The following ADAMTSL3 variants were observed in gnomAD, a reference collection of about 807,000 sequenced individuals.
The protein encoded by ADAMTSL3 is ADAMTS like 3.
In ADAMTSL3, 128 loss-of-function variants were observed where a neutral mutation model predicts 201.7. That is an observed-to-expected ratio of 0.63 (90% CI 0.55 to 0.73). The LOEUF (loss-of-function observed/expected upper bound fraction) is 0.73, where lower values mean the gene tolerates loss of function less well. Among genes scored for constraint, ADAMTSL3 ranks in the 30% least tolerant of loss-of-function variants. The pLI, the probability that ADAMTSL3 is intolerant of heterozygous loss-of-function variation, is 0.00. For synonymous variants in ADAMTSL3, 738 were observed against 748.4 expected (o/e 0.99, Z 0.23); for missense variants, 1,990 against 2,119.6 (o/e 0.94, Z 1.20).
At chr15:84,012,225 C>T (rs925451641) in intron 23 of ADAMTSL3, among the ~76,000 whole-genome samples, 27 of 152,154 alleles carry the variant, frequency 1.8e-4, no homozygotes, top group Non-Finnish European at 2.9e-5. Flanking sequence ...AATTGCTGAA[C>T]TGACTGTTAC....
At position 83,810,120 on chromosome 15, in the gene ADAMTSL3, T is replaced by C. The variant is rs558188869; in HGVS notation, c.363+5425T>C. Among the ~76,000 whole-genome samples, 8 of 152,288 alleles carry C rather than the reference T, an allele frequency of 5.3e-5. No individual in the cohort carries two copies. In the South Asian group the frequency reaches 1.7e-3, roughly 32 times the overall value. On this transcript the variant is annotated intron_variant, in intron 5 of 29. Transcript: ENST00000286744. ...TGAATGGGAAAAAATGGGTGCCTAT[T>C]TACTGGGGCACTCAAACTCAAATAT...
chr15:83,901,557 A>G (rs369140328), intron 15 of ADAMTSL3, among the ~76,000 whole-genome samples: 2 of 152,230 alleles, frequency 1.3e-5, no homozygotes, highest in African/African-American at 4.8e-5. Flanking sequence ...AAAAGAAGAA[A>G]ACGGAGCAAT....
At chr15:83,855,130 C>T (rs1263486199) in intron 7 of ADAMTSL3, among the ~76,000 whole-genome samples, 1 of 152,140 alleles carries the variant, frequency 6.6e-6, no homozygotes, top group East Asian at 1.9e-4. Context: ...CCTTTACTTC[C>T]TGCTTCCTTA....
At chr15:83,686,212 C>T (rs890323496) in intron 2 of ADAMTSL3, among the ~76,000 whole-genome samples, 3 of 152,232 alleles carry the variant, frequency 2.0e-5, no homozygotes, top group Admixed American at 2.0e-4. Context: ...CCGGTTTTCT[C>T]ACAAGCAACT....
chr15:83,829,363 G>A (rs987439276), intron 6 of ADAMTSL3, among the ~76,000 whole-genome samples: 3 of 152,006 alleles, frequency 2.0e-5, no homozygotes, highest in Admixed American at 6.6e-5. Flanking sequence ...CTGTGGGATC[G>A]GTGGTGATAT....
At chr15:83,802,444 T>G (rs1454520154) in intron 4 of ADAMTSL3, among the ~76,000 whole-genome samples, 1 of 152,094 alleles carries the variant, frequency 6.6e-6, no homozygotes, top group Non-Finnish European at 1.5e-5. Context: ...TACCCAAAAC[T>G]AAAAACAAAT....
rs759938937 is a variant in ADAMTSL3, at chr15:83,773,606, T to TG, written c.278dup (p.Gly94ArgfsTer16). The TG allele has an allele frequency of 3.1e-6, 5 of 1,612,618 alleles. No individual in the cohort carries two copies. Among genetic ancestry groups the TG allele is most frequent in the Non-Finnish European group, 3.4e-6 (4 of 1,179,628 alleles). On this transcript the variant is annotated frameshift_variant, in exon 4 of 30. Transcript: ENST00000286744. LOFTEE classifies it high-confidence loss of function. ...ACTGGAGTGACTGCTCCCGGACCTGTGGGGGAGGAGCATCATATTCTCTGC... is the reference window on the plus strand; with the variant it reads ...ACTGGAGTGACTGCTCCCGGACCTGTGGGGGGAGGAGCATCATATTCTCTGC...
chr15:83,680,458 A>G (rs1373659610), intron 2 of ADAMTSL3, among the ~76,000 whole-genome samples: 2 of 149,312 alleles, frequency 1.3e-5, no homozygotes, highest in Admixed American at 1.3e-4. Flanking sequence ...TAATTTCGAT[A>G]CTTTTACTAA....
intron 5 of ADAMTSL3, among the ~76,000 whole-genome samples, chr15:83,806,980 G>T (rs2063611809): frequency 6.6e-6 from 1 of 152,112 alleles, no homozygotes; most frequent in South Asian, 2.1e-4. Flanking sequence ...CTTACAAAAT[G>T]CCAGAAAAAG....
intron 2 of ADAMTSL3, among the ~76,000 whole-genome samples, chr15:83,661,018 G>A (rs1455804061): frequency 6.9e-6 from 1 of 145,848 alleles, no homozygotes; most frequent in Non-Finnish European, 1.5e-5. Flanking sequence ...AGTTTTCCCA[G>A]CACCATTTAT....
At chr15:83,830,057 T>C (rs2141954855) in intron 6 of ADAMTSL3, among the ~76,000 whole-genome samples, 1 of 152,160 alleles carries the variant, frequency 6.6e-6, no homozygotes, top group Non-Finnish European at 1.5e-5. Context: ...TTTGGTTGGA[T>C]GTGGGGAGTG....
chr15:83,882,781 T>A (rs566076847), intron 9 of ADAMTSL3, among the ~76,000 whole-genome samples: 1 of 152,322 alleles, frequency 6.6e-6, no homozygotes, highest in South Asian at 2.1e-4. Flanking sequence ...GTGAGAAATG[T>A]GATGTTAATC....
rs760735777 is a variant in ADAMTSL3, at chr15:83,704,414, C to A, written c.95C>A (p.Ala32Asp). 1.2e-6 allele frequency: 2 copies of A among 1,614,144 alleles called. No individual in the cohort carries two copies. Among genetic ancestry groups the A allele is most frequent in the Non-Finnish European group, 1.7e-6 (2 of 1,180,032 alleles). Residue 32 changes from alanine (A) to aspartate (D), a missense_variant, in exon 3 of 30, where the codon GCC becomes GAC. By Grantham distance (126) the Ala-to-Asp change is moderately radical. Coordinates refer to ENST00000286744, the MANE Select transcript of ADAMTSL3 (RefSeq NM_207517.3). ...PQTTAEKSPG[A>D]YFLPEFALSP... is the part of the protein sequence containing the mutation. ...ACCACAGCTGAGAAATCTCCTGGAG[C>A]CTATTTCCTTCCCGAGTTTGCACTT... is the stretch of plus-strand genomic sequence containing the variant.
At chr15:83,954,591 A>C (rs1428005590) in intron 19 of ADAMTSL3, among the ~76,000 whole-genome samples, 1 of 152,108 alleles carries the variant, frequency 6.6e-6, no homozygotes, top group Non-Finnish European at 1.5e-5. Flanking sequence ...CTGGGCATTG[A>C]ATAATTATGT....
chr15:83,713,007 A>C lies in ADAMTSL3; in HGVS notation c.189+8499A>C, dbSNP rs114469935. On this transcript the variant is annotated intron_variant, in intron 3 of 29. Coordinates refer to ENST00000286744, the MANE Select transcript of ADAMTSL3 (RefSeq NM_207517.3). The stretch of plus-strand genomic sequence containing the variant: ...TCTCTAAGAGACAACTAATTCTCTT[A>C]TCTCTCTACTTCTCCCAGGTGATCA... Among the ~76,000 whole-genome samples, 295 of 152,262 alleles carry C rather than the reference A, an allele frequency of 1.9e-3. 3 individuals carry two copies. The highest frequency in any genetic ancestry group is 6.8e-3 in the African/African-American group (284 of 41,552).
chr15:83,872,084 C>G (rs180777539), intron 9 of ADAMTSL3, among the ~76,000 whole-genome samples: 75 of 152,238 alleles, frequency 4.9e-4, no homozygotes, highest in Non-Finnish European at 8.2e-4. Flanking sequence ...AAGCGTTGGC[C>G]TGCACAGTGT....
intron 7 of ADAMTSL3, among the ~76,000 whole-genome samples, chr15:83,854,185 G>T (rs752186607): frequency 6.6e-6 from 1 of 151,818 alleles, no homozygotes; most frequent in African/African-American, 2.4e-5. Flanking sequence ...ACTGGTCAAG[G>T]CTCACTCATT....
intron 25 of ADAMTSL3, among the ~76,000 whole-genome samples, chr15:84,017,760 A>C (rs546921948): frequency 1.1e-3 from 166 of 152,348 alleles, no homozygotes; most frequent in South Asian, 6.2e-3. Context: ...CATTTATTGG[A>C]CATTCAACAA....
rs1331626840 is a variant in ADAMTSL3 at position 83,704,013 on chromosome 15, AAAAAACAC to A, written c.70-371_70-364del. 4.7e-5 allele frequency among the ~76,000 whole-genome samples: 7 copies of A among 150,466 alleles called. No individual in the cohort carries two copies. In the South Asian group the frequency reaches 1.5e-3, roughly 31 times the overall value. Reference sequence around the variant, plus strand: ...TTCTCACTCCTTTGCCAAAAAAAAAAAAAAACACAAAAGGAAGAAGAAAAGAAAATCCT... The same window carrying A: ...TTCTCACTCCTTTGCCAAAAAAAAAAAAAAGGAAGAAGAAAAGAAAATCCT... On this transcript the variant is annotated intron_variant, in intron 2 of 29. Coordinates refer to ENST00000286744, the MANE Select transcript of ADAMTSL3 (RefSeq NM_207517.3).
Sources: gnomAD v4.1 joint callset for allele counts (sites outside exome capture counted in the v4.1 genomes callset) on GRCh38, gnomAD v4.1.1 for gene constraint, MANE v1.5 for transcripts, NCBI Gene and HGNC (gene_info 2026-07-23, HGNC 2026-07-21) for gene names.